LINC00305: variants seen among roughly 807,000 people sequenced by gnomAD.
LINC00305 encodes the protein long intergenic non-protein coding RNA 305.
chr18:64,124,783 G>A (rs2051377698), intron 1 of LINC00305, among the ~76,000 whole-genome samples: 1 of 152,030 alleles, frequency 6.6e-6, no homozygotes, highest in African/African-American at 2.4e-5. Flanking sequence ...CTACCTTTGT[G>A]AGGTGGTTGT....
chr18:64,135,274 A>G (rs577082626), intron 1 of LINC00305, among the ~76,000 whole-genome samples: 1 of 152,304 alleles, frequency 6.6e-6, no homozygotes, highest in African/African-American at 2.4e-5. Flanking sequence ...CCCTGTCTCC[A>G]AAATAAGGTA....
intron 3 of LINC00305, among the ~76,000 whole-genome samples, chr18:64,094,856 AAAATAAAT>A (rs754074493): frequency 1.7e-4 from 20 of 120,840 alleles, no homozygotes; most frequent in Admixed American, 1.0e-3. Flanking sequence ...TTCATCTCAA[AAAATAAAT>A]AAATAAATAA....
chr18:64,138,460 A>G (rs1267367281), intron 1 of LINC00305, among the ~76,000 whole-genome samples: 2 of 152,186 alleles, frequency 1.3e-5, no homozygotes, highest in Non-Finnish European at 2.9e-5. Flanking sequence ...TGGAAATGTT[A>G]TTTACATCAC....
intron 1 of LINC00305, among the ~76,000 whole-genome samples, chr18:64,112,454 T>C (rs1332207698): frequency 2.0e-5 from 3 of 151,544 alleles, no homozygotes; most frequent in Non-Finnish European, 2.9e-5. Flanking sequence ...TGGAAGAAAA[T>C]ATGTGGACTT....
chr18:64,137,003 T>C (rs753221005), intron 1 of LINC00305, among the ~76,000 whole-genome samples: 2 of 152,202 alleles, frequency 1.3e-5, no homozygotes, highest in Non-Finnish European at 2.9e-5. Context: ...CATGACTACG[T>C]GGAACCTATA....
chr18:64,131,181 T>C (rs907281046), intron 1 of LINC00305, among the ~76,000 whole-genome samples: 2 of 152,234 alleles, frequency 1.3e-5, no homozygotes, highest in Non-Finnish European at 2.9e-5. Context: ...AATTGATATG[T>C]GTTACTAAAA....
At chr18:64,147,213 GA>G (rs1378085410) in intron 1 of LINC00305, 1 of 152,090 alleles carries the variant, frequency 6.6e-6, no homozygotes, top group Non-Finnish European at 1.5e-5. Flanking sequence ...TTCAGAAAAT[GA>G]AAACTCATAG....
At chr18:64,088,845 A>T (rs1168896621) in intron 3 of LINC00305, among the ~76,000 whole-genome samples, 1 of 152,128 alleles carries the variant, frequency 6.6e-6, no homozygotes, top group Non-Finnish European at 1.5e-5. Context: ...AATAGGGAGG[A>T]TTAGCTGCAG....
intron 1 of LINC00305, among the ~76,000 whole-genome samples, chr18:64,146,352 C>T (rs544258893): frequency 1.7e-4 from 26 of 152,190 alleles, no homozygotes; most frequent in African/African-American, 2.6e-4. Context: ...AAACTGTAAC[C>T]GTATTTTATG....
chr18:64,144,802 C>T (rs944699724), intron 1 of LINC00305, among the ~76,000 whole-genome samples: 22 of 152,142 alleles, frequency 1.4e-4, no homozygotes, highest in Non-Finnish European at 2.2e-4. Context: ...GAGCCAGCAG[C>T]GCGGGATGTG....
intron 1 of LINC00305, among the ~76,000 whole-genome samples, chr18:64,122,439 G>C (rs1214709896): frequency 6.6e-6 from 1 of 152,106 alleles, no homozygotes; most frequent in East Asian, 1.9e-4. Flanking sequence ...TATTGAAAAG[G>C]TTGTCCTTTC....
chr18:64,107,015 C>T (rs1418612889), intron 1 of LINC00305, among the ~76,000 whole-genome samples: 1 of 152,144 alleles, frequency 6.6e-6, no homozygotes, highest in Non-Finnish European at 1.5e-5. Context: ...TTGATGTGCA[C>T]CAATTCCGGG....
In LINC00305 at chr18:64,131,348, C is replaced by T. The variant is rs146391389; in HGVS notation, n.314+17427G>A. ...ACTATGCTGCAAATTTGACTTGTAC[C>T]TAAAAAGTATTCACGCTTGGCTTAT... On this transcript the variant is annotated intron_variant and non_coding_transcript_variant, in intron 1 of 3. Coordinates refer to ENST00000666468, the Ensembl canonical transcript of LINC00305. Among the ~76,000 whole-genome samples the T allele has an allele frequency of 4.7e-3, 720 of 152,158 alleles. 6 individuals are homozygous for T. The highest frequency in any genetic ancestry group is 0.017 in the African/African-American group (695 of 41,518).
At chr18:64,132,037 G>A (rs887814487) in intron 1 of LINC00305, among the ~76,000 whole-genome samples, 1 of 152,172 alleles carries the variant, frequency 6.6e-6, no homozygotes, top group African/African-American at 2.4e-5. Context: ...GCAATAGAAA[G>A]TATTTTTATT....
At position 64,117,452 on chromosome 18, in the gene LINC00305, AT is replaced by A. The variant is rs375528762; in HGVS notation, n.315-18813del. Among the ~76,000 whole-genome samples, 34 of 152,126 alleles carry A rather than the reference AT, an allele frequency of 2.2e-4. No individual in the cohort carries two copies. The East Asian group carries it at 4.6e-3, about 21-fold the overall frequency. On this transcript the variant is annotated intron_variant and non_coding_transcript_variant, in intron 1 of 3. Coordinates refer to ENST00000666468, the Ensembl canonical transcript of LINC00305. ...TTGGTAGATCTCTATTTCAAAATTC[AT>A]TTCAGGTGGCTTCAAAATCCGTGAA...
chr18:64,114,219 G>A (rs983324896), intron 1 of LINC00305, among the ~76,000 whole-genome samples: 38 of 152,268 alleles, frequency 2.5e-4, no homozygotes, highest in Middle Eastern at 3.4e-3. Flanking sequence ...GCAGTGAGCC[G>A]AGATTGCGCC....
chr18:64,126,474 C>T (rs578073127), intron 1 of LINC00305, among the ~76,000 whole-genome samples: 10 of 152,168 alleles, frequency 6.6e-5, no homozygotes, highest in African/African-American at 2.2e-4. Flanking sequence ...GGCCCCTTCT[C>T]GGCCATTCGG....
chr18:64,125,616 A>G (rs894042026), intron 1 of LINC00305, among the ~76,000 whole-genome samples: 4 of 146,138 alleles, frequency 2.7e-5, no homozygotes, highest in African/African-American at 7.6e-5. Context: ...AAATCCATCC[A>G]TATATGTCTT....
chr18:64,148,658 T>C (rs1230222378), intron 1 of LINC00305: 2 of 152,222 alleles, frequency 1.3e-5, no homozygotes, highest in Non-Finnish European at 2.9e-5. Context: ...ATTCTTTTTC[T>C]TAGAGCCACA....
Sources: gnomAD v4.1 joint callset for allele counts (sites outside exome capture counted in the v4.1 genomes callset) on GRCh38, gnomAD v4.1.1 for gene constraint, MANE v1.5 for transcripts, NCBI Gene and HGNC (gene_info 2026-07-23, HGNC 2026-07-21) for gene names.